EHBP1: variants seen among roughly 807,000 people sequenced by gnomAD.
EHBP1 encodes the protein EH domain-binding protein 1.
In EHBP1, 55 loss-of-function variants were observed where a neutral mutation model predicts 144.0. That is an observed-to-expected ratio of 0.38 (90% CI 0.31 to 0.48). EHBP1 has a LOEUF of 0.48. Among genes scored for constraint, EHBP1 ranks in the 20% least tolerant of loss-of-function variants. EHBP1 has a pLI of 0.98. For missense variants in EHBP1, 1,200 were observed against 1,364.2 expected (o/e 0.88, Z 1.90); for synonymous variants, 469 against 472.7 (o/e 0.99, Z 0.10).
chr2:62,807,129 A>G (rs958849486), intron 5 of EHBP1, among the ~76,000 whole-genome samples: 1 of 152,318 alleles, frequency 6.6e-6, no homozygotes, highest in African/African-American at 2.4e-5. Context: ...AAATTTGTGT[A>G]TAAGTGGATC....
intron 1 of EHBP1, among the ~76,000 whole-genome samples, chr2:62,675,205 CCA>C: frequency 6.6e-6 from 1 of 152,264 alleles, no homozygotes; most frequent in South Asian, 2.1e-4. Context: ...GAGCATGTCT[CCA>C]GAGTAGCCTG....
intron 2 of EHBP1, among the ~76,000 whole-genome samples, chr2:62,724,802 G>T (rs535049556): frequency 6.6e-6 from 1 of 152,278 alleles, no homozygotes; most frequent in East Asian, 1.9e-4. Flanking sequence ...CCTGAAATCC[G>T]CCTCCTGTCA....
At chr2:62,964,060 C>CT (rs2058124667) in intron 14 of EHBP1, among the ~76,000 whole-genome samples, 1 of 152,216 alleles carries the variant, frequency 6.6e-6, no homozygotes, top group South Asian at 2.1e-4. Context: ...AATAGTTTAT[C>CT]TATTATGTCT....
chr2:62,898,242 G>C (rs1188139759), intron 10 of EHBP1, among the ~76,000 whole-genome samples: 1 of 152,074 alleles, frequency 6.6e-6, no homozygotes, highest in Non-Finnish European at 1.5e-5. Flanking sequence ...AAAGATACTT[G>C]GGAGATCTTT....
At chr2:62,730,809 CAGAG>C (rs1430760919) in intron 2 of EHBP1, among the ~76,000 whole-genome samples, 5 of 45,858 alleles carry the variant, frequency 1.1e-4, no homozygotes, top group Non-Finnish European at 2.1e-4. Context: ...TGGACAGAGA[CAGAG>C]AGAAAAAGAA....
At chr2:62,887,082 T>C (rs965346599) in intron 10 of EHBP1, among the ~76,000 whole-genome samples, 5 of 152,168 alleles carry the variant, frequency 3.3e-5, no homozygotes, top group Non-Finnish European at 5.9e-5. Flanking sequence ...ATTATAGTAA[T>C]ATAATAGTAA....
intron 1 of EHBP1, among the ~76,000 whole-genome samples, chr2:62,690,952 C>T (rs2033885545): frequency 6.6e-6 from 1 of 152,202 alleles, no homozygotes; most frequent in Non-Finnish European, 1.5e-5. Context: ...TGCATTTGTA[C>T]AGTTCTAGAT....
intron 5 of EHBP1, among the ~76,000 whole-genome samples, chr2:62,796,638 A>G (rs2043554219): frequency 6.6e-6 from 1 of 152,180 alleles, no homozygotes; most frequent in Non-Finnish European, 1.5e-5. Flanking sequence ...TGTTTTATTC[A>G]AAGTTCCAAT....
chr2:62,756,966 C>A lies in EHBP1; in HGVS notation c.163-7300C>A, dbSNP rs2152277700. ...ATGATTGAAAAACATTTGTTTCCAG[C>A]TGCTAAGTTAGGTATCAGTTACGTT... On this transcript the variant is annotated intron_variant, in intron 3 of 22. Coordinates refer to ENST00000431489, the MANE Select transcript of EHBP1 (RefSeq NM_001142616.3). 2.0e-5 allele frequency among the ~76,000 whole-genome samples: 3 copies of A among 152,192 alleles called. No homozygotes were observed. In the South Asian group the frequency reaches 6.2e-4, roughly 32 times the overall value.
At chr2:62,747,334 G>T (rs561573225) in intron 2 of EHBP1, 61 bp from the exon 3 acceptor site, 2 of 1,515,074 alleles carry the variant, frequency 1.3e-6, no homozygotes, top group Admixed American at 3.5e-5. Flanking sequence ...TTTTAAAGGC[G>T]CTAAAATGAA....
chr2:63,002,247 T>C (rs1228934637), intron 19 of EHBP1, among the ~76,000 whole-genome samples: 1 of 152,162 alleles, frequency 6.6e-6, no homozygotes, highest in Admixed American at 6.6e-5. Flanking sequence ...TTTTGAGTTA[T>C]GTTAAAAATA....
chr2:62,828,681 A>G (rs1332930699), intron 6 of EHBP1, among the ~76,000 whole-genome samples: 1 of 152,234 alleles, frequency 6.6e-6, no homozygotes, highest in Non-Finnish European at 1.5e-5. Context: ...TCAAAAGCCT[A>G]CGTGGACTTC....
chr2:62,844,810 A>G (rs1325448723), intron 7 of EHBP1, among the ~76,000 whole-genome samples: 1 of 152,188 alleles, frequency 6.6e-6, no homozygotes, highest in Non-Finnish European at 1.5e-5. Flanking sequence ...TGTTGCAAAG[A>G]TCACCATGGG....
At chr2:62,966,085 A>G (rs2058231929) in intron 14 of EHBP1, among the ~76,000 whole-genome samples, 1 of 152,224 alleles carries the variant, frequency 6.6e-6, no homozygotes, top group African/African-American at 2.4e-5. Flanking sequence ...TTTCAGTTGA[A>G]CAAATTAACT....
chr2:62,750,345 C>T (rs990333015), intron 3 of EHBP1, among the ~76,000 whole-genome samples: 5 of 151,882 alleles, frequency 3.3e-5, no homozygotes, highest in African/African-American at 1.2e-4. Flanking sequence ...TGATCTATAT[C>T]TCTGTTTTGG....
intron 10 of EHBP1, among the ~76,000 whole-genome samples, chr2:62,935,947 A>C (rs2056357171): frequency 6.6e-6 from 1 of 152,224 alleles, no homozygotes; most frequent in African/African-American, 2.4e-5. Context: ...TTACCTCAAT[A>C]GATATGCTAA....
Position 62,874,378 on chromosome 2 carries a change from C to G in EHBP1, c.1031C>G (p.Pro344Arg). 6.2e-7 allele frequency: 1 copy of G among 1,606,096 alleles called. No individual in the cohort carries two copies. Among genetic ancestry groups the G allele is most frequent in the Non-Finnish European group, 8.5e-7 (1 of 1,176,458 alleles). ...SNPFYEPKSTPPPNNLVNPVQ... is the reference protein window; with the variant it reads ...SNPFYEPKSTRPPNNLVNPVQ... ...CCTTTTTATGAACCTAAATCAACTC[C>G]TCCTCCAAATAATTTGGTAAATCCT... Residue 344 changes from proline to arginine, a missense_variant, in exon 10 of 23, where the codon CCT (proline) becomes CGT (arginine). Physicochemically the swap from Pro to Arg is moderately radical, Grantham distance 103. Transcript: ENST00000431489.
chr2:62,779,620 G>C (rs1020096798), intron 5 of EHBP1, among the ~76,000 whole-genome samples: 2 of 151,992 alleles, frequency 1.3e-5, no homozygotes, highest in African/African-American at 4.8e-5. Flanking sequence ...CCATTCTTTT[G>C]GTATAAACTT....
rs1052437932 is a variant in EHBP1, at chr2:62,756,793, A to G, written c.163-7473A>G. On this transcript the variant is annotated intron_variant, in intron 3 of 22. Coordinates refer to ENST00000431489, the MANE Select transcript of EHBP1 (RefSeq NM_001142616.3). ...CAAAAAAAAAAAAAAAAAAAAAGAC[A>G]GAAAATGCTGTTTTATAAATTGTAC... Among the ~76,000 whole-genome samples the G allele has an allele frequency of 6.0e-5, 9 of 150,968 alleles. No individual in the cohort carries two copies. In the East Asian group the frequency reaches 1.6e-3, roughly 26 times the overall value.
Sources: allele counts gnomAD v4.1 joint callset (sites outside exome capture counted in the v4.1 genomes callset), GRCh38; gene constraint gnomAD v4.1.1; transcripts MANE v1.5; gene names NCBI Gene and HGNC (gene_info 2026-07-23, HGNC 2026-07-21).